Variants in TMC3 observed in about 807,000 individuals in gnomAD.
TMC3 encodes the protein transmembrane channel like 3.
TMC3 carries 98 observed loss-of-function variants against 110.6 expected under a neutral mutation model. The ratio of observed to expected loss-of-function variants is 0.89; its 90% CI spans 0.75 to 1.05. The LOEUF is 1.05. Among genes scored for constraint, TMC3 ranks in the 50% least tolerant of loss-of-function variants. The pLI is 0.00. For synonymous variants in TMC3, 489 were observed against 513.1 expected (o/e 0.95, Z 0.63); for missense variants, 1,319 against 1,373.2 (o/e 0.96, Z 0.62).
chr15:81,358,374 C>CA (rs1567067637), intron 6 of TMC3, 28 bp downstream of exon 6: 1 of 1,607,228 alleles, frequency 6.2e-7, no homozygotes. Flanking sequence ...TCCCTCAAGA[C>CA]AAGAGTGTGG....
chr15:81,359,136 A>G (rs1894130506), intron 5 of TMC3, among the ~76,000 whole-genome samples: 1 of 152,244 alleles, frequency 6.6e-6, no homozygotes, highest in Admixed American at 6.5e-5. Context: ...TACTGTCTGC[A>G]GGTGCTTTTG....
Position 81,358,183 on chromosome 15 carries a change from C to A in TMC3, c.709G>T (p.Val237Leu). Reference protein sequence around the residue: ...PLAYFLVGMAVFAYSFIILLK... With the variant: ...PLAYFLVGMALFAYSFIILLK... ...AGAATGATGAAGCTGTAAGCAAACA[C>A]TGCCATCCCCACTAGGAAATACGCC... Residue 237 changes from valine (V) to leucine (L), a missense_variant, in exon 7 of 22, where the codon GTG (valine) becomes TTG (leucine). Coordinates refer to ENST00000359440, the MANE Select transcript of TMC3 (RefSeq NM_001080532.3). 1.2e-6 allele frequency: 2 copies of A among 1,609,918 alleles called. No homozygotes were observed. The highest frequency in any genetic ancestry group is 1.1e-5 in the South Asian group (1 of 90,262).
At chr15:81,363,532 G>A (rs1894238611) in intron 3 of TMC3, among the ~76,000 whole-genome samples, 1 of 152,214 alleles carries the variant, frequency 6.6e-6, no homozygotes, top group Non-Finnish European at 1.5e-5. Context: ...TTCTGGACGT[G>A]TCTGCTGAGG....
intron 15 of TMC3, chr15:81,342,613 G>A (rs1893738716): frequency 6.6e-6 from 1 of 152,194 alleles, no homozygotes; most frequent in Non-Finnish European, 1.5e-5. Context: ...CAATTGCCAT[G>A]TATTTTACTG....
At chr15:81,355,901 TAAATGAATTAGATATCAATAATCTA>T in intron 8 of TMC3, 133 bp from the exon 9 acceptor site, 1 of 596,644 alleles carries the variant, frequency 1.7e-6, no homozygotes, top group Non-Finnish European at 2.9e-6. Context: ...TCAATTGATA[TAAATGAATTAGATATCAATAATCTA>T]ATCAATTGAA....
chr15:81,365,918 A>T (rs1159974249), intron 3 of TMC3, among the ~76,000 whole-genome samples: 1 of 152,206 alleles, frequency 6.6e-6, no homozygotes, highest in Non-Finnish European at 1.5e-5. Flanking sequence ...TGACCTATCA[A>T]CATGTCAACA....
chr15:81,370,031 G>A (rs1418921030), intron 2 of TMC3, among the ~76,000 whole-genome samples: 5 of 152,180 alleles, frequency 3.3e-5, no homozygotes, highest in Non-Finnish European at 7.3e-5. Context: ...GAGACAGTGG[G>A]TGTGACAAGA....
rs757801810 is a variant in TMC3 at position 81,358,312 on chromosome 15, G to T, written c.601-21C>A. 10 of 1,599,438 alleles carry T rather than the reference G, an allele frequency of 6.3e-6. No homozygotes were observed. The African/African-American group carries it at 1.2e-4, about 19-fold the overall frequency. On this transcript the variant is annotated intron_variant, in intron 6 of 21. Transcript: ENST00000359440. ...TAGCCCTGCAAAGAAAACACTCAGT[G>T]TCATTTCTGCTTCCCGTTCCCAGGT... is the stretch of plus-strand genomic sequence containing the variant.
chr15:81,332,880 TCTC>T lies in TMC3; in HGVS notation c.2839_2841del (p.Glu947del), dbSNP rs771225535. 8.7e-6 allele frequency: 14 copies of T among 1,613,306 alleles called. No individual in the cohort carries two copies. The highest frequency in any genetic ancestry group is 1.7e-5 in the Admixed American group (1 of 59,996). ...CGTTTGATCCAATCTCTGCTTGGCGTCTCCTCCTCTTCTTCACTCAGCTGTGGG... is the reference window on the plus strand; with the variant it reads ...CGTTTGATCCAATCTCTGCTTGGCGTCTCCTCTTCTTCACTCAGCTGTGGG... On this transcript the variant is annotated inframe_deletion, in exon 22 of 22. Coordinates refer to ENST00000359440, the MANE Select transcript of TMC3 (RefSeq NM_001080532.3).
At chr15:81,343,809 C>G in intron 14 of TMC3, 108 bp downstream of exon 14, 1 of 1,244,860 alleles carries the variant, frequency 8.0e-7, no homozygotes. Flanking sequence ...CTTGTATTCT[C>G]TTTCCGTGTG....
chr15:81,356,648 A>G, intron 7 of TMC3, 54 bp from the exon 8 acceptor site: 1 of 1,545,706 alleles, frequency 6.5e-7, no homozygotes, highest in Non-Finnish European at 8.7e-7. Flanking sequence ...AGGGGGCTGT[A>G]GCTAGCACCC....
At chr15:81,359,652 A>G (rs745776511) in intron 4 of TMC3, among the ~76,000 whole-genome samples, 181 bp from the exon 5 acceptor site, 6 of 151,966 alleles carry the variant, frequency 3.9e-5, no homozygotes, top group Non-Finnish European at 7.3e-5. Flanking sequence ...ATGCCCCTGA[A>G]TATCTATCAG....
At chr15:81,368,426 C>G in intron 2 of TMC3, 98 bp from the exon 3 acceptor site, 10 of 843,190 alleles carry the variant, frequency 1.2e-5, no homozygotes, top group Non-Finnish European at 2.0e-5. Context: ...GCCATCTTGT[C>G]CTGAAAAATG....
At chr15:81,339,185 G>A (rs9920579) in intron 17 of TMC3, among the ~76,000 whole-genome samples, 24,023 of 152,174 alleles carry the variant, frequency 0.16, 3,985 homozygotes, top group African/African-American at 0.42. Flanking sequence ...TAAAAGGATT[G>A]TGTTTTTTAA....
In TMC3 at chr15:81,358,397, C is replaced by T; in HGVS notation, c.600+5G>A. 6.2e-7 allele frequency: 1 copy of T among 1,611,686 alleles called. No homozygotes were observed. The highest frequency in any genetic ancestry group is 8.5e-7 in the Non-Finnish European group (1 of 1,178,600). On this transcript the variant is annotated splice_donor_5th_base_variant and intron_variant, in intron 6 of 21. Transcript: ENST00000359440. Reference sequence around the variant, plus strand: ...GACAAGAGTGTGGCCAAGCATCAATCTCACCCCCAGAGACCAGACGGTGTC... The same window carrying T: ...GACAAGAGTGTGGCCAAGCATCAATTTCACCCCCAGAGACCAGACGGTGTC...
chr15:81,341,418 G>T lies in TMC3; in HGVS notation c.1816C>A (p.Pro606Thr). 6.2e-7 allele frequency: 1 copy of T among 1,611,558 alleles called. No homozygotes were observed. The highest frequency in any genetic ancestry group is 1.7e-4 in the Middle Eastern group (1 of 6,058). Reference sequence around the variant, plus strand: ...GAGGCTCGAAATACTTGCTGGTGGGGCACATTGCAGGTCAGCACAGCCCAG... The same window carrying T: ...GAGGCTCGAAATACTTGCTGGTGGGTCACATTGCAGGTCAGCACAGCCCAG... ...RSWAVLTCNV[P>T]HQQVFRASRS... The change falls in exon 16 of 22, where the codon CCC becomes ACC. Residue 606 changes from proline (P) to threonine (T), a missense_variant. Coordinates refer to ENST00000359440, the MANE Select transcript of TMC3 (RefSeq NM_001080532.3).
At chr15:81,336,516 C>T (rs1020530289) in intron 20 of TMC3, 93 bp downstream of exon 20, 7 of 1,236,436 alleles carry the variant, frequency 5.7e-6, no homozygotes, top group South Asian at 4.9e-5. Flanking sequence ...TGCAGTGAGC[C>T]GAGATCACAC....
rs1390128142 is a variant in TMC3, at chr15:81,362,247, AG to A, written c.366del (p.Trp123GlyfsTer3). The A allele has an allele frequency of 1.2e-6, 2 of 1,612,100 alleles. No individual in the cohort carries two copies. The highest frequency in any genetic ancestry group is 2.2e-5 in the East Asian group (1 of 44,844). On this transcript the variant is annotated frameshift_variant, in exon 4 of 22. Transcript: ENST00000359440. LOFTEE classifies it high-confidence loss of function. The part of the protein sequence containing the change: ...LACNFVVIFI[P>X]WEMRIKKIES... ...TCGATTTTCTTTATCCTCATTTCCC[AG>A]GGAATGAAGATGACCACAAAGTTAC...
intron 2 of TMC3, among the ~76,000 whole-genome samples, chr15:81,368,958 A>T (rs1049755456): frequency 1.3e-5 from 2 of 152,196 alleles, no homozygotes; most frequent in Admixed American, 1.3e-4. Flanking sequence ...TAAATGAACA[A>T]CAGGATTAGA....
Sources: allele counts gnomAD v4.1 joint callset (sites outside exome capture counted in the v4.1 genomes callset), GRCh38; gene constraint gnomAD v4.1.1; transcripts MANE v1.5; gene names NCBI Gene and HGNC (gene_info 2026-07-23, HGNC 2026-07-21).